Variants in SH3PXD2B observed in about 807,000 individuals in gnomAD.
The protein encoded by SH3PXD2B is SH3 and PX domains 2B, also known as SH3 and PX domain-containing protein 2B.
In SH3PXD2B, 37 loss-of-function variants were observed where a neutral mutation model predicts 73.1. The ratio of observed to expected loss-of-function variants is 0.51; its 90% CI spans 0.39 to 0.67. The LOEUF is 0.67. Ranked by LOEUF, SH3PXD2B falls within the 30% of genes least tolerant of loss-of-function variation. SH3PXD2B has a pLI of 0.00. For missense variants in SH3PXD2B, 1,053 were observed against 1,197.8 expected (o/e 0.88, Z 1.78); for synonymous variants, 457 against 480.5 (o/e 0.95, Z 0.64).
chr5:172,376,143 C>T (rs763478400), intron 5 of SH3PXD2B, among the ~76,000 whole-genome samples: 12 of 151,872 alleles, frequency 7.9e-5, no homozygotes, highest in Non-Finnish European at 8.8e-5. Flanking sequence ...GATTCTCCTG[C>T]CTCAGCCTCC....
rs1032135775 is a variant in SH3PXD2B at position 172,422,476 on chromosome 5, C to T, written c.96G>A (p.Thr32=). ...NKHYVYIIRV[T]WSSGSTEAIY... is the part of the protein sequence containing the mutation. ...TGGCCTCGGTGGAGCCGCTGGACCA[C>T]GTGACCCGGATGATGTAGACCTGCG... Residue 32 remains threonine, a synonymous_variant, in exon 2 of 13, where the codon ACG becomes ACA. Coordinates refer to ENST00000311601, the MANE Select transcript of SH3PXD2B (RefSeq NM_001017995.3). The T allele has an allele frequency of 1.2e-5, 20 of 1,611,922 alleles. No individual in the cohort carries two copies. Among genetic ancestry groups the T allele is most frequent in the South Asian group, 5.5e-5 (5 of 90,578 alleles).
At chr5:172,432,876 A>G (rs1279330181) in intron 1 of SH3PXD2B, among the ~76,000 whole-genome samples, 1 of 122,538 alleles carries the variant, frequency 8.2e-6, no homozygotes, top group Non-Finnish European at 1.6e-5. Context: ...TGTGCTTTGC[A>G]CTCCAGCCTG....
Position 172,336,905 on chromosome 5 carries a change from A to G in SH3PXD2B, c.*1464T>C. The G allele has an allele frequency of 1.0e-6, 1 of 985,472 alleles. No homozygotes were observed. 61.0% of individuals were successfully genotyped at this position (985,472 alleles called of 1,614,324 possible). ...CTTCAAGGGAGAAAACAGATTTGGCAGTGCGTGAAAAAAGAAAAAAACATT... is the reference window on the plus strand; with the variant it reads ...CTTCAAGGGAGAAAACAGATTTGGCGGTGCGTGAAAAAAGAAAAAAACATT... On this transcript the variant is annotated 3_prime_UTR_variant, in exon 13 of 13. Coordinates refer to ENST00000311601, the MANE Select transcript of SH3PXD2B (RefSeq NM_001017995.3).
At chr5:172,344,354 G>A (rs574354862) in intron 12 of SH3PXD2B, among the ~76,000 whole-genome samples, 4 of 152,184 alleles carry the variant, frequency 2.6e-5, no homozygotes, top group South Asian at 4.1e-4. Context: ...TTGGGAGGCC[G>A]AGGTGGGCAG....
intron 2 of SH3PXD2B, among the ~76,000 whole-genome samples, chr5:172,415,104 A>G (rs1266730728): frequency 1.3e-5 from 2 of 152,256 alleles, no homozygotes; most frequent in Non-Finnish European, 2.9e-5. Flanking sequence ...TATGGAAAGC[A>G]GAGATCCATC....
intron 12 of SH3PXD2B, chr5:172,325,523 C>G (rs1028973541): frequency 3.3e-6 from 2 of 604,198 alleles, no homozygotes; most frequent in Admixed American, 5.6e-5. Context: ...TTATTTCTCA[C>G]AGTTCTAGGG....
At chr5:172,416,510 T>C (rs1758822859) in intron 2 of SH3PXD2B, among the ~76,000 whole-genome samples, 1 of 151,776 alleles carries the variant, frequency 6.6e-6, no homozygotes. Flanking sequence ...GTATTTTTAG[T>C]AGAGACGGGG....
At chr5:172,430,279 A>C (rs1465840205) in intron 1 of SH3PXD2B, among the ~76,000 whole-genome samples, 5 of 152,024 alleles carry the variant, frequency 3.3e-5, no homozygotes, top group Admixed American at 6.5e-5. Flanking sequence ...AGCCCGTCCC[A>C]CCTCTCTCCA....
At position 172,335,374 on chromosome 5, in the gene SH3PXD2B, G is replaced by A. The variant is rs553208344; in HGVS notation, c.*2995C>T. 4 of 1,218,320 alleles carry A rather than the reference G, an allele frequency of 3.3e-6. No individual in the cohort carries two copies. Among genetic ancestry groups the A allele is most frequent in the East Asian group, 6.5e-5 (2 of 30,634 alleles). 75.5% of individuals were successfully genotyped at this position (1,218,320 alleles called of 1,614,324 possible). A position where few individuals can be genotyped will look rare whatever the true frequency, so the allele number is the denominator to read the frequency against. On this transcript the variant is annotated 3_prime_UTR_variant, in exon 13 of 13. Transcript: ENST00000311601. ...TCACTTGATTCCCTGGAAGCCCTCCGCACACTTCCCTGCTAATGGCAGAGA... is the reference window on the plus strand; with the variant it reads ...TCACTTGATTCCCTGGAAGCCCTCCACACACTTCCCTGCTAATGGCAGAGA...
Position 172,334,747 on chromosome 5 carries a change from G to C in SH3PXD2B, c.*3622C>G. On this transcript the variant is annotated 3_prime_UTR_variant, in exon 13 of 13. Coordinates refer to ENST00000311601, the MANE Select transcript of SH3PXD2B (RefSeq NM_001017995.3). The stretch of plus-strand genomic sequence containing the variant: ...ACTCTGTGCTGGGTACTTGGGAGAG[G>C]CGAAATAAATACCAGACTGTCCACT... 1.0e-6 allele frequency: 1 copy of C among 985,446 alleles called. No homozygotes were observed. Among genetic ancestry groups the C allele is most frequent in the Non-Finnish European group, 1.2e-6 (1 of 829,956 alleles). 61.0% of individuals were successfully genotyped at this position (985,446 alleles called of 1,614,324 possible). A position where few individuals can be genotyped will look rare whatever the true frequency, so the allele number is the denominator to read the frequency against.
At chr5:172,384,161 A>G (rs1003414071) in intron 4 of SH3PXD2B, among the ~76,000 whole-genome samples, 1 of 151,974 alleles carries the variant, frequency 6.6e-6, no homozygotes, top group Admixed American at 6.6e-5. Flanking sequence ...TGCATTTTCT[A>G]TATAACCAGC....
At chr5:172,440,270 A>C (rs893925579) in intron 1 of SH3PXD2B, among the ~76,000 whole-genome samples, 3 of 152,194 alleles carry the variant, frequency 2.0e-5, no homozygotes, top group Admixed American at 6.5e-5. Flanking sequence ...GAGATGGCAA[A>C]GTAGCAATCC....
In SH3PXD2B at chr5:172,335,674, A is replaced by G. The variant is rs1294017614; in HGVS notation, c.*2695T>C. The stretch of plus-strand genomic sequence containing the variant: ...AGCCATGACTCCAGGGGAGTTCTGC[A>G]TATGCGCCATCAATCGCTCACAGAA... On this transcript the variant is annotated 3_prime_UTR_variant, in exon 13 of 13. Coordinates refer to ENST00000311601, the MANE Select transcript of SH3PXD2B (RefSeq NM_001017995.3). 1 of 1,231,664 alleles carries G rather than the reference A, an allele frequency of 8.1e-7. No individual in the cohort carries two copies. Among genetic ancestry groups the G allele is most frequent in the African/African-American group, 1.6e-5 (1 of 64,434 alleles). The allele number at this position is 1,231,664 out of a possible 1,614,324, so 76.3% of individuals were successfully genotyped here. A position where few individuals can be genotyped will look rare whatever the true frequency, so the allele number is the denominator to read the frequency against.
intron 5 of SH3PXD2B, among the ~76,000 whole-genome samples, chr5:172,374,831 T>G (rs112690185): frequency 9.8e-4 from 149 of 152,312 alleles, no homozygotes; most frequent in African/African-American, 3.1e-3. Context: ...GCTAATATTA[T>G]TAAATGGTGC....
Position 172,335,680 on chromosome 5 carries a change from G to A in SH3PXD2B, c.*2689C>T, listed in dbSNP as rs868719892. ...GACTCCAGGGGAGTTCTGCATATGC[G>A]CCATCAATCGCTCACAGAATAGCGA... On this transcript the variant is annotated 3_prime_UTR_variant, in exon 13 of 13. Transcript: ENST00000311601. 19 of 1,231,600 alleles carry A rather than the reference G, an allele frequency of 1.5e-5. No homozygotes were observed. Among genetic ancestry groups the A allele is most frequent in the Middle Eastern group, 6.2e-4 (2 of 3,230 alleles). The allele number at this position is 1,231,600 out of a possible 1,614,324, so 76.3% of individuals were successfully genotyped here.
rs1756486922 is a variant in SH3PXD2B at position 172,328,439 on chromosome 5, T to A, written c.1189-3059A>T. Among the ~76,000 whole-genome samples the A allele has an allele frequency of 2.6e-5, 4 of 152,122 alleles. 1 individual carries two copies. The highest frequency in any genetic ancestry group is 9.7e-5 in the African/African-American group (4 of 41,412). On this transcript the variant is annotated intron_variant, in intron 12 of 12. Coordinates refer to the SH3PXD2B transcript ENST00000519643. The stretch of plus-strand genomic sequence containing the variant: ...ATTTTAAACTACTGGCCTCAAATGA[T>A]CCTCCTGCCTTGGCCTCCCGAAGTG...
intron 1 of SH3PXD2B, among the ~76,000 whole-genome samples, chr5:172,436,905 C>A (rs1160666606): frequency 6.6e-6 from 1 of 152,194 alleles, no homozygotes; most frequent in South Asian, 2.1e-4. Context: ...GGGTTCAGGA[C>A]TATGTCCGAA....
chr5:172,325,253 G>A, exon 13 of SH3PXD2B: 1 of 1,493,040 alleles, frequency 6.7e-7, no homozygotes. Context: ...CATGTTCACA[G>A]CAGCAAGGAC....
intron 1 of SH3PXD2B, among the ~76,000 whole-genome samples, chr5:172,454,070 G>A (rs1442348694): frequency 2.0e-5 from 3 of 150,620 alleles, no homozygotes; most frequent in Non-Finnish European, 3.0e-5. Context: ...AGGGATGGAG[G>A]GGGAGAACGA....
Sources: allele counts gnomAD v4.1 joint callset (sites outside exome capture counted in the v4.1 genomes callset), GRCh38; gene constraint gnomAD v4.1.1; transcripts MANE v1.5; gene names NCBI Gene and HGNC (gene_info 2026-07-23, HGNC 2026-07-21).